Variants in SBK1 observed in about 807,000 individuals in gnomAD.
SBK1 encodes SH3 domain binding kinase 1.
A neutral mutation model predicts 24.4 loss-of-function variants in SBK1; 11 were observed. That is an observed-to-expected ratio of 0.45 (90% CI 0.28 to 0.75). The LOEUF (loss-of-function observed/expected upper bound fraction) is 0.75, where lower values mean the gene tolerates loss of function less well. SBK1 is among the 30% of genes least tolerant of loss of function. The pLI is 0.12. For synonymous variants in SBK1, 308 were observed against 284.4 expected (o/e 1.08, Z -0.83); for missense variants, 467 against 620.5 (o/e 0.75, Z 2.63).
At chr16:28,258,970 G>A (rs928062694), upstream of SBK1, 4 of 152,634 alleles carry the variant, frequency 2.6e-5, no homozygotes, top group Admixed American at 6.5e-5. Context: ...CAGGGGGACT[G>A]GGGCACGGGA....
chr16:28,287,180 C>G (rs1851030445), intron 1 of SBK1: 3 of 150,062 alleles, frequency 2.0e-5, no homozygotes, highest in Admixed American at 6.6e-5. Flanking sequence ...GTAGCTCACG[C>G]CTGTCATCCC....
chr16:28,303,114 A>G (rs2044690507), intron 1 of SBK1, among the ~76,000 whole-genome samples: 1 of 144,376 alleles, frequency 6.9e-6, no homozygotes, highest in Non-Finnish European at 1.5e-5. Flanking sequence ...TGTTCAGGGA[A>G]CAGTGGGGGG....
At chr16:28,269,516 C>A (rs1224383422) in intron 1 of SBK1, among the ~76,000 whole-genome samples, 1 of 152,024 alleles carries the variant, frequency 6.6e-6, no homozygotes, top group Non-Finnish European at 1.5e-5. Flanking sequence ...TCCACTATTT[C>A]TTAGAACTGA....
rs1295872807 is a variant in SBK1, at chr16:28,321,183, ACAC to A, written c.*263_*265del. On this transcript the variant is annotated 3_prime_UTR_variant, in exon 4 of 4. Coordinates refer to ENST00000341901, the MANE Select transcript of SBK1 (RefSeq NM_001024401.3). The stretch of plus-strand genomic sequence containing the variant: ...CCGAGAATTCGGAGGCCACCACACA[ACAC>A]ACACACACACACACACACACACACA... The A allele has an allele frequency of 1.6e-3, 1 of 636 alleles. No individual in the cohort carries two copies. Among genetic ancestry groups the A allele is most frequent in the Non-Finnish European group, 5.2e-3 (1 of 192 alleles). The allele number at this position is 636 out of a possible 1,614,324, so 0.0% of individuals were successfully genotyped here.
At chr16:28,313,936 T>C (rs1053027696) in intron 1 of SBK1, among the ~76,000 whole-genome samples, 2 of 151,836 alleles carry the variant, frequency 1.3e-5, no homozygotes, top group African/African-American at 4.8e-5. Context: ...GCTCACCCCC[T>C]CCCAGCCTCC....
chr16:28,280,510 A>G (rs2044527187), intron 1 of SBK1, among the ~76,000 whole-genome samples: 1 of 149,962 alleles, frequency 6.7e-6, no homozygotes, highest in Non-Finnish European at 1.5e-5. Context: ...CTCAATTTCT[A>G]CCCCCATTCC....
At chr16:28,311,079 T>G (rs2044751657) in intron 1 of SBK1, among the ~76,000 whole-genome samples, 3 of 149,264 alleles carry the variant, frequency 2.0e-5, no homozygotes, top group African/African-American at 2.5e-5. Context: ...GAGAGGGAGG[T>G]GTGGAAGGAG....
At chr16:28,296,178 T>G (rs563579133) in intron 1 of SBK1, among the ~76,000 whole-genome samples, 13 of 148,148 alleles carry the variant, frequency 8.8e-5, no homozygotes, top group Non-Finnish European at 1.6e-4. Context: ...CGCTGCGACC[T>G]CCACCTCCCG....
chr16:28,261,143 G>A (rs2044394911), intron 1 of SBK1, among the ~76,000 whole-genome samples: 1 of 152,058 alleles, frequency 6.6e-6, no homozygotes, highest in Admixed American at 6.5e-5. Context: ...GGGCAAGTGA[G>A]GAGAGGCAAG....
intron 1 of SBK1, chr16:28,285,625 T>G (rs1372679486): frequency 6.6e-6 from 1 of 152,254 alleles, no homozygotes; most frequent in African/African-American, 2.4e-5. Flanking sequence ...TCCTATTTCC[T>G]TGGTGCCGTC....
At chr16:28,283,309 A>G (rs2044545317) in intron 1 of SBK1, among the ~76,000 whole-genome samples, 1 of 152,182 alleles carries the variant, frequency 6.6e-6, no homozygotes, top group Admixed American at 6.5e-5. Flanking sequence ...CTTAAGCACA[A>G]AAAGGACTTG....
intron 1 of SBK1, among the ~76,000 whole-genome samples, chr16:28,312,584 C>T (rs1415715823): frequency 1.3e-5 from 2 of 152,150 alleles, no homozygotes; most frequent in African/African-American, 2.4e-5. Flanking sequence ...GTTCTCTGGG[C>T]CTGGCACTGT....
At chr16:28,301,513 C>G (rs1185109198) in intron 1 of SBK1, among the ~76,000 whole-genome samples, 1 of 152,214 alleles carries the variant, frequency 6.6e-6, no homozygotes, top group African/African-American at 2.4e-5. Context: ...GAAGAATGTC[C>G]AAGTGTCTGC....
intron 1 of SBK1, among the ~76,000 whole-genome samples, chr16:28,287,286 C>CAA (rs56232453): frequency 8.0e-6 from 1 of 124,870 alleles, no homozygotes; most frequent in Non-Finnish European, 1.7e-5. Flanking sequence ...ACTAAAAATA[C>CAA]AAAAAAAAAA....
rs2141592490 is a variant in SBK1 at position 28,319,971 on chromosome 16, G to C, written c.430-105G>C. On this transcript the variant is annotated intron_variant, in intron 3 of 3. Coordinates refer to ENST00000341901, the MANE Select transcript of SBK1 (RefSeq NM_001024401.3). This position sits in a 1 kb window ranked among gnomAD's most constrained non-coding sequence, Gnocchi z 4.0. The stretch of plus-strand genomic sequence containing the variant: ...CGGTCGCCCCAGTTACTGGGGACAG[G>C]GTGGGAGGCGAAAACCGCCTTGCTA... 3.4e-6 allele frequency: 4 copies of C among 1,174,552 alleles called. 1 individual carries two copies. In the East Asian group the frequency reaches 1.1e-4, roughly 32 times the overall value. The allele number at this position is 1,174,552 out of a possible 1,614,324, so 72.8% of individuals were successfully genotyped here.
intron 1 of SBK1, among the ~76,000 whole-genome samples, chr16:28,309,465 T>C (rs2044739430): frequency 6.6e-6 from 1 of 152,224 alleles, no homozygotes; most frequent in South Asian, 2.1e-4. Flanking sequence ...GCCTCTTTTG[T>C]TGTCTGTTAA....
At chr16:28,265,521 A>G (rs578078153) in intron 1 of SBK1, among the ~76,000 whole-genome samples, 32 of 151,824 alleles carry the variant, frequency 2.1e-4, no homozygotes, top group Middle Eastern at 3.4e-3. Flanking sequence ...CCAGGAGTTC[A>G]AGGTTACAGT....
intron 1 of SBK1, among the ~76,000 whole-genome samples, chr16:28,274,373 G>C (rs1304491073): frequency 6.6e-6 from 1 of 152,178 alleles, no homozygotes. Flanking sequence ...GCTCAGGCCA[G>C]GTGCGATGGC....
intron 1 of SBK1, among the ~76,000 whole-genome samples, chr16:28,263,983 G>A (rs996609073): frequency 9.2e-5 from 14 of 152,022 alleles, no homozygotes; most frequent in African/African-American, 3.4e-4. Context: ...TCTAAAATTA[G>A]CCAGGCATGG....
Sources: allele counts gnomAD v4.1 joint callset (sites outside exome capture counted in the v4.1 genomes callset), GRCh38; gene constraint gnomAD v4.1.1; non-coding constraint Gnocchi (gnomAD v3.1); transcripts MANE v1.5; gene names NCBI Gene and HGNC (gene_info 2026-07-23, HGNC 2026-07-21).